The following CELF4 variants were observed in gnomAD, a reference collection of about 807,000 sequenced individuals.
CELF4 encodes the protein CUGBP Elav-like family member 4.
In CELF4, 18 loss-of-function variants were observed where a neutral mutation model predicts 59.9. The ratio of observed to expected loss-of-function variants is 0.30; its 90% CI spans 0.21 to 0.45. CELF4 has a LOEUF of 0.45. Ranked by LOEUF, CELF4 falls within the 20% of genes least tolerant of loss-of-function variation. CELF4 has a pLI of 1.00. For synonymous variants in CELF4, 261 were observed against 267.1 expected (o/e 0.98, Z 0.22); for missense variants, 456 against 689.0 (o/e 0.66, Z 3.79).
intron 1 of CELF4, among the ~76,000 whole-genome samples, chr18:37,552,805 C>G (rs1294274883): frequency 2.0e-5 from 3 of 152,212 alleles, no homozygotes; most frequent in Non-Finnish European, 2.9e-5. Flanking sequence ...CCTGGCTTCC[C>G]ACGTATCTCA....
At chr18:37,546,702 A>G (rs931857955) in intron 1 of CELF4, among the ~76,000 whole-genome samples, 1 of 152,130 alleles carries the variant, frequency 6.6e-6, no homozygotes, top group African/African-American at 2.4e-5. Flanking sequence ...GCACCAACAC[A>G]CACGTGCATG....
At chr18:37,292,328 A>G (rs750378971) in intron 3 of CELF4, among the ~76,000 whole-genome samples, 14 of 152,196 alleles carry the variant, frequency 9.2e-5, no homozygotes, top group Admixed American at 7.2e-4. Flanking sequence ...ACATTTTAAC[A>G]AGACTGTCCA....
At chr18:37,444,412 G>A (rs767198726) in intron 2 of CELF4, among the ~76,000 whole-genome samples, 8 of 152,108 alleles carry the variant, frequency 5.3e-5, no homozygotes, top group Non-Finnish European at 1.2e-4. Context: ...AACCGTGGGA[G>A]GAGGCAGCGG....
chr18:37,515,031 C>T (rs1433077971), intron 1 of CELF4, among the ~76,000 whole-genome samples: 1 of 152,188 alleles, frequency 6.6e-6, no homozygotes, highest in Admixed American at 6.5e-5. Context: ...TTTAACAAAT[C>T]CTCATCCTTT....
chr18:37,470,869 T>TGAGA (rs1569569536), intron 2 of CELF4, among the ~76,000 whole-genome samples: 2 of 119,296 alleles, frequency 1.7e-5, no homozygotes, highest in African/African-American at 3.2e-5. Flanking sequence ...TGTGTGTGTG[T>TGAGA]GTGTGTGTGT....
At chr18:37,493,730 G>A (rs1324807665) in intron 1 of CELF4, among the ~76,000 whole-genome samples, 3 of 152,138 alleles carry the variant, frequency 2.0e-5, no homozygotes, top group African/African-American at 7.2e-5. Flanking sequence ...ATCAGAGGCT[G>A]CAGCCTGCTC....
chr18:37,270,830 G>A lies in CELF4; in HGVS notation c.1037C>T (p.Pro346Leu). The A allele has an allele frequency of 6.2e-7, 1 of 1,613,686 alleles. No individual in the cohort carries two copies. Among genetic ancestry groups the A allele is most frequent in the Admixed American group, 1.7e-5 (1 of 59,980 alleles). Residue 346 changes from proline to leucine, a missense_variant, in exon 8 of 13, where the codon CCA becomes CTA. Physicochemically the swap from Pro to Leu is moderately conservative, Grantham distance 98. This residue lies in a region of CELF4 where 256 missense variants were observed against 340.8 expected (regional missense o/e 0.75). Coordinates refer to ENST00000420428, the MANE Select transcript of CELF4 (RefSeq NM_020180.4). The part of the protein sequence containing the change: ...IGVNGFTGLP[P>L]QANGQPAAEA... ...CGCAGCAGGTTGCCCATTGGCCTGT[G>A]GGGGGAGGCCGGTGAAGCCATTCAC... is the stretch of plus-strand genomic sequence containing the variant.
chr18:37,546,989 A>G (rs1054415235), intron 1 of CELF4, among the ~76,000 whole-genome samples: 11 of 152,152 alleles, frequency 7.2e-5, no homozygotes, highest in Non-Finnish European at 8.8e-5. Flanking sequence ...TCATCCCGGG[A>G]CAGACTCAAC....
chr18:37,461,963 C>T (rs781692954), intron 2 of CELF4, among the ~76,000 whole-genome samples: 3 of 152,170 alleles, frequency 2.0e-5, no homozygotes, highest in Non-Finnish European at 4.4e-5. Context: ...ATGGGAGGGT[C>T]ATAGTGGTAC....
rs1050273436 is a variant in CELF4 at position 37,430,385 on chromosome 18, G to C, written c.369+55140C>G. 9.9e-5 allele frequency among the ~76,000 whole-genome samples: 15 copies of C among 152,234 alleles called. 1 individual carries two copies. The highest frequency in any genetic ancestry group is 3.6e-4 in the African/African-American group (15 of 41,464). The stretch of plus-strand genomic sequence containing the variant: ...GAGTTGTAAAAGCACCCAGAGACTG[G>C]AGACTTGGGGTCTGTGCCTCATATA... On this transcript the variant is annotated intron_variant, in intron 2 of 12. Coordinates refer to ENST00000420428, the MANE Select transcript of CELF4 (RefSeq NM_020180.4).
chr18:37,347,574 C>T lies in CELF4; in HGVS notation c.370-25693G>A, dbSNP rs138427554. Among the ~76,000 whole-genome samples the T allele has an allele frequency of 1.8e-3, 278 of 152,212 alleles. 3 individuals carry two copies. In the Middle Eastern group the frequency reaches 0.027, roughly 15 times the overall value. On this transcript the variant is annotated intron_variant, in intron 2 of 12. Transcript: ENST00000420428. Reference sequence around the variant, plus strand: ...ACCTGCATGAAGGACCCAGGGCGGCCGCACACCCTCTGCTGGAGGTTCCTT... The same window carrying T: ...ACCTGCATGAAGGACCCAGGGCGGCTGCACACCCTCTGCTGGAGGTTCCTT...
chr18:37,450,472 G>A (rs745565594), intron 2 of CELF4, among the ~76,000 whole-genome samples: 20 of 151,334 alleles, frequency 1.3e-4, no homozygotes, highest in Non-Finnish European at 2.4e-4. Flanking sequence ...GCAAAGGACT[G>A]CCATTTCCCT....
chr18:37,522,132 A>ATGAGATGAATGAAT (rs1208369687), intron 1 of CELF4, among the ~76,000 whole-genome samples: 1,747 of 152,286 alleles, frequency 0.011, 35 homozygotes, highest in African/African-American at 0.04. Context: ...AGATAACAGA[A>ATGAGATGAATGAAT]GCCAGATGCC....
At chr18:37,318,639 C>G (rs551185827) in intron 3 of CELF4, among the ~76,000 whole-genome samples, 59 of 145,354 alleles carry the variant, frequency 4.1e-4, no homozygotes, top group Middle Eastern at 3.5e-3. Context: ...CTCCCCCCCC[C>G]CCCACTTTCT....
chr18:37,435,836 A>G (rs939616049), intron 2 of CELF4, among the ~76,000 whole-genome samples: 5 of 152,170 alleles, frequency 3.3e-5, no homozygotes, highest in Admixed American at 3.3e-4. Context: ...CCACATCCCC[A>G]GGCAGAGCCT....
At chr18:37,374,013 G>A (rs1014952548) in intron 2 of CELF4, among the ~76,000 whole-genome samples, 2 of 152,220 alleles carry the variant, frequency 1.3e-5, no homozygotes, top group African/African-American at 4.8e-5. Flanking sequence ...AAAATCCGAA[G>A]GATAATGTAG....
chr18:37,503,247 G>C (rs1051049427), intron 1 of CELF4, among the ~76,000 whole-genome samples: 1 of 152,234 alleles, frequency 6.6e-6, no homozygotes, highest in Non-Finnish European at 1.5e-5. Context: ...TGCCTCAAAG[G>C]TCAGCCCAGG....
chr18:37,353,014 G>A (rs897398676), intron 2 of CELF4, among the ~76,000 whole-genome samples: 5 of 152,088 alleles, frequency 3.3e-5, no homozygotes, highest in African/African-American at 9.7e-5. Context: ...GAAGTCAGGA[G>A]ATCGAGACCA....
intron 2 of CELF4, among the ~76,000 whole-genome samples, chr18:37,406,422 C>T (rs1363262514): frequency 6.6e-6 from 1 of 152,130 alleles, no homozygotes; most frequent in African/African-American, 2.4e-5. Context: ...CACATACGTC[C>T]CTATCCATCT....
Sources: allele counts gnomAD v4.1 joint callset (sites outside exome capture counted in the v4.1 genomes callset), GRCh38; gene constraint gnomAD v4.1.1; regional missense constraint gnomAD v4.1.1; transcripts MANE v1.5; gene names NCBI Gene and HGNC (gene_info 2026-07-23, HGNC 2026-07-21).